The following RBMS3 variants were observed in gnomAD, a reference collection of about 807,000 sequenced individuals.
RBMS3 encodes RNA binding motif single stranded interacting protein 3.
In RBMS3, 27 loss-of-function variants were observed where a neutral mutation model predicts 66.8. The ratio of observed to expected loss-of-function variants is 0.40; its 90% CI spans 0.30 to 0.56. The LOEUF (loss-of-function observed/expected upper bound fraction) is 0.56, where lower values mean the gene tolerates loss of function less well. Among genes scored for constraint, RBMS3 ranks in the 20% least tolerant of loss-of-function variants. The pLI, the probability that RBMS3 is intolerant of heterozygous loss-of-function variation, is 0.40. For synonymous variants in RBMS3, 188 were observed against 183.0 expected, an observed-to-expected ratio of 1.03 and a Z score of -0.22; for missense variants, 513 against 549.5, an observed-to-expected ratio of 0.93 and a Z score of 0.66.
At chr3:29,786,538 C>T (rs1316863897) in intron 6 of RBMS3, among the ~76,000 whole-genome samples, 1 of 152,054 alleles carries the variant, frequency 6.6e-6, no homozygotes, top group African/African-American at 2.4e-5. Flanking sequence ...AGAAATAAGC[C>T]AAATACTTAC....
intron 7 of RBMS3, chr3:29,880,685 ACAACCC>A: frequency 8.4e-7 from 1 of 1,195,852 alleles, no homozygotes; most frequent in Non-Finnish European, 1.2e-6. Flanking sequence ...TTAAGTTCAA[ACAACCC>A]TTTGCTTAAC....
intron 6 of RBMS3, among the ~76,000 whole-genome samples, chr3:29,830,329 A>G (rs2058339074): frequency 6.6e-6 from 1 of 152,176 alleles, no homozygotes; most frequent in African/African-American, 2.4e-5. Context: ...TAGTTTGTGT[A>G]TAGAAAAACT....
At chr3:29,448,691 C>T (rs2041918274) in intron 2 of RBMS3, among the ~76,000 whole-genome samples, 1 of 152,170 alleles carries the variant, frequency 6.6e-6, no homozygotes, top group African/African-American at 2.4e-5. Context: ...TCAGGACAGT[C>T]TCAGTTTTAC....
rs904124225 is a variant in RBMS3 at position 29,559,545 on chromosome 3, A to G, written c.308-27569A>G. Among the ~76,000 whole-genome samples, 10 of 137,370 alleles carry G rather than the reference A, an allele frequency of 7.3e-5. 1 individual carries two copies. Among genetic ancestry groups the G allele is most frequent in the African/African-American group, 2.8e-4 (10 of 36,262 alleles). The allele number at this position is 137,370 out of a possible 152,430, so 90.1% of individuals were successfully genotyped here. ...AAAAAAAAAAAAAAAAAAAAAAAAA[A>G]AAAAAAAACCTGACTATTCATGTTA... On this transcript the variant is annotated intron_variant, in intron 3 of 14. Transcript: ENST00000383767.
intron 5 of RBMS3, among the ~76,000 whole-genome samples, chr3:29,748,074 A>G (rs1355712585): frequency 6.6e-6 from 1 of 152,218 alleles, no homozygotes; most frequent in Non-Finnish European, 1.5e-5. Context: ...AGTATGGGGC[A>G]ATAGGAAGCA....
chr3:29,338,856 G>T (rs564944541), intron 1 of RBMS3, among the ~76,000 whole-genome samples: 1 of 151,980 alleles, frequency 6.6e-6, no homozygotes, highest in Non-Finnish European at 1.5e-5. Flanking sequence ...CTTCTGATAC[G>T]GTTTAGAACA....
intron 6 of RBMS3, among the ~76,000 whole-genome samples, chr3:29,834,635 CA>C (rs2058459869): frequency 6.6e-6 from 1 of 151,804 alleles, no homozygotes; most frequent in African/African-American, 2.4e-5. Flanking sequence ...ATAGTAGATA[CA>C]CAAAAAATAA....
chr3:29,908,620 T>G (rs1487640842), intron 10 of RBMS3, among the ~76,000 whole-genome samples: 2 of 152,122 alleles, frequency 1.3e-5, no homozygotes, highest in Non-Finnish European at 2.9e-5. Flanking sequence ...CCTCACATGC[T>G]CGCTTGATTC....
chr3:29,940,012 A>G (rs1438870831), intron 11 of RBMS3, among the ~76,000 whole-genome samples: 1 of 151,592 alleles, frequency 6.6e-6, no homozygotes, highest in Non-Finnish European at 1.5e-5. Flanking sequence ...TGACATGACC[A>G]TTTTCCCTGT....
intron 1 of RBMS3, among the ~76,000 whole-genome samples, chr3:29,304,740 A>G (rs1313096668): frequency 2.0e-5 from 3 of 151,926 alleles, no homozygotes; most frequent in African/African-American, 7.2e-5. Context: ...TCCACCGGAT[A>G]TTACCACCCA....
chr3:29,628,103 C>G (rs1559520662), intron 4 of RBMS3, among the ~76,000 whole-genome samples: 1 of 152,106 alleles, frequency 6.6e-6, no homozygotes, highest in African/African-American at 2.4e-5. Context: ...CTGATACTAG[C>G]CCTTGTTTTA....
At chr3:29,786,468 A>T (rs2056823360) in intron 6 of RBMS3, among the ~76,000 whole-genome samples, 1 of 152,226 alleles carries the variant, frequency 6.6e-6, no homozygotes, top group Non-Finnish European at 1.5e-5. Flanking sequence ...TAGTCACAAA[A>T]ACAGCATGGT....
chr3:29,300,906 C>G (rs2033628898), intron 1 of RBMS3, among the ~76,000 whole-genome samples: 1 of 151,724 alleles, frequency 6.6e-6, no homozygotes, highest in African/African-American at 2.4e-5. Flanking sequence ...GGCAATGAAA[C>G]AGAAAGTTAA....
chr3:29,651,161 C>G (rs2050131856), intron 4 of RBMS3, among the ~76,000 whole-genome samples: 1 of 152,172 alleles, frequency 6.6e-6, no homozygotes, highest in East Asian at 1.9e-4. Flanking sequence ...TTCCCTGCTA[C>G]AGAGGCTACT....
intron 2 of RBMS3, among the ~76,000 whole-genome samples, chr3:29,446,584 A>G (rs2041840598): frequency 6.6e-6 from 1 of 152,162 alleles, no homozygotes; most frequent in Non-Finnish European, 1.5e-5. Context: ...AAAGACTAAA[A>G]TTAAAATACA....
At chr3:29,466,837 ACTCT>A (rs560201704) in intron 2 of RBMS3, among the ~76,000 whole-genome samples, 181 of 152,174 alleles carry the variant, frequency 1.2e-3, no homozygotes, top group African/African-American at 4.2e-3. Flanking sequence ...TATAATTTTA[ACTCT>A]CTATGCAGTT....
At chr3:29,786,211 A>G (rs1348315573) in intron 6 of RBMS3, among the ~76,000 whole-genome samples, 2 of 152,134 alleles carry the variant, frequency 1.3e-5, no homozygotes, top group African/African-American at 2.4e-5. Context: ...ATGGAAATAC[A>G]TCCCATGCTC....
At chr3:29,660,411 C>G (rs1388678908) in intron 4 of RBMS3, among the ~76,000 whole-genome samples, 3 of 152,188 alleles carry the variant, frequency 2.0e-5, no homozygotes, top group Admixed American at 2.0e-4. Context: ...CACTTTCTAT[C>G]TGTGTCTTTG....
At chr3:29,567,353 C>T (rs1330967370) in intron 3 of RBMS3, among the ~76,000 whole-genome samples, 1 of 152,142 alleles carries the variant, frequency 6.6e-6, no homozygotes, top group African/African-American at 2.4e-5. Context: ...CATCCTGTCT[C>T]CATATGTAAA....
Sources: allele counts gnomAD v4.1 joint callset (sites outside exome capture counted in the v4.1 genomes callset), GRCh38; gene constraint gnomAD v4.1.1; transcripts MANE v1.5; gene names NCBI Gene and HGNC (gene_info 2026-07-23, HGNC 2026-07-21).